The following STPG2 variants were observed in gnomAD, a reference collection of about 807,000 sequenced individuals.
STPG2 encodes the protein sperm-tail PG-rich repeat-containing protein 2.
STPG2 carries 56 observed loss-of-function variants against 54.2 expected under a neutral mutation model. The observed-to-expected ratio is 1.03, with a 90% confidence interval of 0.83 to 1.29. STPG2 has a LOEUF of 1.29. Ranked by LOEUF, STPG2 falls within the 50% of genes most tolerant of loss-of-function variation. The probability of loss-of-function intolerance (pLI) is 0.00; values close to 1 mark genes in which losing one functional copy is unlikely to be tolerated. For synonymous variants in STPG2, 200 were observed against 181.8 expected (o/e 1.10, Z -0.81); for missense variants, 596 against 544.9 (o/e 1.09, Z -0.93).
intron 4 of STPG2, among the ~76,000 whole-genome samples, chr4:97,463,745 C>T (rs994923839): frequency 1.3e-5 from 2 of 152,272 alleles, no homozygotes; most frequent in Admixed American, 6.5e-5. Flanking sequence ...CCACTATACT[C>T]GGCCTCTCCT....
chr4:97,474,440 G>A (rs1452176859), intron 4 of STPG2, among the ~76,000 whole-genome samples: 1 of 152,132 alleles, frequency 6.6e-6, no homozygotes, highest in African/African-American at 2.4e-5. Context: ...CTAGTATTAT[G>A]TAGAATTGCC....
intron 5 of STPG2, among the ~76,000 whole-genome samples, chr4:97,987,637 C>G (rs1412193802): frequency 6.6e-6 from 1 of 152,114 alleles, no homozygotes; most frequent in Non-Finnish European, 1.5e-5. Flanking sequence ...TCGTCTGCTT[C>G]ATACATACCT....
intron 9 of STPG2, among the ~76,000 whole-genome samples, chr4:97,832,297 GA>G (rs1342027819): frequency 6.6e-6 from 1 of 152,130 alleles, no homozygotes; most frequent in Non-Finnish European, 1.5e-5. Context: ...AATAGATGCA[GA>G]AAAGGCCTTT....
rs1400857011 is a variant in STPG2 at position 97,898,345 on chromosome 4, A to T, written c.1044+45552T>A. Among the ~76,000 whole-genome samples, 14 of 150,778 alleles carry T rather than the reference A, an allele frequency of 9.3e-5. No homozygotes were observed. In the Admixed American group the frequency reaches 9.3e-4, roughly 10 times the overall value. On this transcript the variant is annotated intron_variant, in intron 8 of 10. Coordinates refer to ENST00000295268, the MANE Select transcript of STPG2 (RefSeq NM_174952.3). ...GTGTTACTCTTATAAATTTTAAAAA[A>T]TCTTAATTACCAATAAGTTGTCCAA...
chr4:97,793,506 A>G (rs1341127572), intron 9 of STPG2, among the ~76,000 whole-genome samples: 2 of 152,172 alleles, frequency 1.3e-5, no homozygotes, highest in Non-Finnish European at 2.9e-5. Context: ...CCAGTACACA[A>G]TATGTACAGC....
intron 9 of STPG2, among the ~76,000 whole-genome samples, chr4:97,726,366 G>T (rs1375045353): frequency 2.0e-5 from 3 of 151,898 alleles, no homozygotes; most frequent in African/African-American, 4.8e-5. Context: ...ATAGATGGTG[G>T]TGATGAAGCA....
chr4:97,536,144 T>C (rs577166117), intron 4 of STPG2, among the ~76,000 whole-genome samples: 19 of 152,280 alleles, frequency 1.2e-4, no homozygotes, highest in Admixed American at 3.3e-4. Context: ...CCTGCAAAAT[T>C]AAATAATTTT....
chr4:97,700,259 A>C (rs1723727069), intron 10 of STPG2, among the ~76,000 whole-genome samples: 1 of 152,214 alleles, frequency 6.6e-6, no homozygotes. Context: ...GTGGCAGAGC[A>C]GCTTGTACAG....
intron 5 of STPG2, among the ~76,000 whole-genome samples, chr4:98,016,924 C>T (rs1451184869): frequency 2.0e-5 from 3 of 152,212 alleles, no homozygotes; most frequent in South Asian, 2.1e-4. Context: ...TCCATCATTA[C>T]TCAGCCCACC....
chr4:97,936,338 G>A (rs1025972724), intron 8 of STPG2, among the ~76,000 whole-genome samples: 1 of 152,076 alleles, frequency 6.6e-6, no homozygotes, highest in Non-Finnish European at 1.5e-5. Flanking sequence ...CAATTTGCGG[G>A]TCTGTGCTTT....
intron 5 of STPG2, among the ~76,000 whole-genome samples, chr4:97,986,933 T>A (rs1363738668): frequency 6.6e-6 from 1 of 152,224 alleles, no homozygotes; most frequent in Non-Finnish European, 1.5e-5. Flanking sequence ...GCATTTGGTG[T>A]CATACTTTCT....
chr4:97,706,814 G>A (rs1578495965), intron 10 of STPG2, among the ~76,000 whole-genome samples: 1 of 152,156 alleles, frequency 6.6e-6, no homozygotes, highest in African/African-American at 2.4e-5. Context: ...CCTTACAAGT[G>A]TCAAATTAAA....
At chr4:98,133,596 A>C (rs1372383769) in intron 2 of STPG2, among the ~76,000 whole-genome samples, 1 of 152,088 alleles carries the variant, frequency 6.6e-6, no homozygotes, top group Admixed American at 6.5e-5. Context: ...GATTTATTTT[A>C]CAAAAACACT....
At chr4:97,655,978 G>A (rs79593193) in intron 10 of STPG2, among the ~76,000 whole-genome samples, 2,634 of 152,124 alleles carry the variant, frequency 0.017, 67 homozygotes, top group African/African-American at 0.059. Flanking sequence ...GTAATCACAA[G>A]AGCTACATAA....
chr4:98,087,560 CT>C (rs70955916), intron 5 of STPG2, among the ~76,000 whole-genome samples: 47,851 of 131,976 alleles, frequency 0.36, 7,729 homozygotes, highest in Middle Eastern at 0.43. Context: ...CTCTTTTTTT[CT>C]TTTTTTTTTT....
intron 8 of STPG2, among the ~76,000 whole-genome samples, chr4:97,885,909 A>G (rs939022874): frequency 6.6e-6 from 1 of 152,208 alleles, no homozygotes; most frequent in African/African-American, 2.4e-5. Flanking sequence ...AGAAGAATAA[A>G]CTTAAAGAAA....
At chr4:97,818,271 G>A (rs1256980187) in intron 9 of STPG2, among the ~76,000 whole-genome samples, 1 of 151,878 alleles carries the variant, frequency 6.6e-6, no homozygotes, top group African/African-American at 2.4e-5. Context: ...AAGAACTCCA[G>A]TGTATGCCTG....
chr4:98,092,055 A>G (rs1738710481), intron 5 of STPG2, among the ~76,000 whole-genome samples: 1 of 152,112 alleles, frequency 6.6e-6, no homozygotes, highest in South Asian at 2.1e-4. Flanking sequence ...CACTCAGTGC[A>G]GTACAAACTA....
chr4:97,913,533 C>T (rs558023346), intron 8 of STPG2, among the ~76,000 whole-genome samples: 2 of 152,208 alleles, frequency 1.3e-5, no homozygotes, highest in South Asian at 2.1e-4. Flanking sequence ...GCTCCTCCTC[C>T]TTGCGCATAT....
Sources: allele counts gnomAD v4.1 joint callset (sites outside exome capture counted in the v4.1 genomes callset), GRCh38; gene constraint gnomAD v4.1.1; transcripts MANE v1.5; gene names NCBI Gene and HGNC (gene_info 2026-07-23, HGNC 2026-07-21).